GABBR2: variants seen among roughly 807,000 people sequenced by gnomAD.
GABBR2 encodes gamma-aminobutyric acid type B receptor subunit 2, also known as G-protein coupled receptor 51.
Under a neutral mutation model 105.6 loss-of-function variants are expected in GABBR2, and 23 were observed. That is an observed-to-expected ratio of 0.22 (90% confidence interval 0.16 to 0.31). GABBR2 has a LOEUF of 0.31. Ranked by LOEUF, GABBR2 falls within the 10% of genes least tolerant of loss-of-function variation. GABBR2 has a pLI of 1.00. For synonymous variants in GABBR2, 478 were observed against 499.7 expected, an observed-to-expected ratio of 0.96 and a Z score of 0.58; for missense variants, 734 against 1,245.5, an observed-to-expected ratio of 0.59 and a Z score of 6.18.
chr9:98,497,747 T>A (rs912181054), intron 3 of GABBR2, among the ~76,000 whole-genome samples: 12 of 152,248 alleles, frequency 7.9e-5, no homozygotes, highest in Non-Finnish European at 2.9e-5. Flanking sequence ...TTGGTGAAGA[T>A]GTGGAGAAAC....
chr9:98,311,295 G>A lies in GABBR2; in HGVS notation c.1894-90C>T, dbSNP rs921967009. 5 of 760,740 alleles carry A rather than the reference G, an allele frequency of 6.6e-6. No homozygotes were observed. In the African/African-American group the frequency reaches 6.9e-5, roughly 10 times the overall value. The allele number at this position is 760,740 out of a possible 1,614,324, so 47.1% of individuals were successfully genotyped here. On this transcript the variant is annotated intron_variant, in intron 13 of 18. Transcript: ENST00000259455. Reference sequence around the variant, plus strand: ...ATCTGAGAGCCCTTTTCCCTCCTGTGAGCCATAGCCAATGCCACTGTTCAG... The same window carrying A: ...ATCTGAGAGCCCTTTTCCCTCCTGTAAGCCATAGCCAATGCCACTGTTCAG...
At chr9:98,699,922 T>C (rs537523965) in intron 1 of GABBR2, among the ~76,000 whole-genome samples, 2 of 152,312 alleles carry the variant, frequency 1.3e-5, no homozygotes, top group East Asian at 3.9e-4. Flanking sequence ...GGGCAAACTA[T>C]GCCATTTAAT....
chr9:98,331,759 G>C (rs1176425269), intron 13 of GABBR2, among the ~76,000 whole-genome samples: 1 of 152,322 alleles, frequency 6.6e-6, no homozygotes, highest in East Asian at 1.9e-4. Flanking sequence ...GCCAGTGAGT[G>C]TGGGTGGGGC....
intron 6 of GABBR2, among the ~76,000 whole-genome samples, chr9:98,460,714 A>G (rs1314075268): frequency 6.6e-6 from 1 of 152,166 alleles, no homozygotes; most frequent in Non-Finnish European, 1.5e-5. Flanking sequence ...GAGAAAAGAG[A>G]GACTAGACAG....
At chr9:98,517,346 A>T (rs1477585422) in intron 3 of GABBR2, among the ~76,000 whole-genome samples, 1 of 152,046 alleles carries the variant, frequency 6.6e-6, no homozygotes, top group Non-Finnish European at 1.5e-5. Flanking sequence ...ACTGGCTAAC[A>T]AATCTCCTGT....
In GABBR2 at chr9:98,385,748, G is replaced by A. The variant is rs1243645979; in HGVS notation, c.1554C>T (p.Tyr518=). ...CTCCAAGGATGATAAGGTTGTTCATGTATGGACTCGACATCTTTATGAGCC... is the reference window on the plus strand; with the variant it reads ...CTCCAAGGATGATAAGGTTGTTCATATATGGACTCGACATCTTTATGAGCC... ...NQKLIKMSSP[Y]MNNLIILGGM... Residue 518 remains tyrosine, a synonymous_variant, in exon 11 of 19, where the codon TAC becomes TAT. Coordinates refer to ENST00000259455, the MANE Select transcript of GABBR2 (RefSeq NM_005458.8). The A allele has an allele frequency of 1.2e-6, 2 of 1,609,526 alleles. No homozygotes were observed. The highest frequency in any genetic ancestry group is 1.7e-6 in the Non-Finnish European group (2 of 1,175,826).
chr9:98,473,511 A>AGATCCTTTATTATACAT (rs932026253), intron 5 of GABBR2, among the ~76,000 whole-genome samples, 165 bp from the exon 6 acceptor site: 6 of 152,222 alleles, frequency 3.9e-5, no homozygotes, highest in Admixed American at 1.3e-4. Flanking sequence ...GATCCAAGGT[A>AGATCCTTTATTATACAT]GTTTATGGAT....
intron 7 of GABBR2, among the ~76,000 whole-genome samples, chr9:98,413,386 A>AAG (rs1295707906): frequency 1.3e-5 from 2 of 152,132 alleles, no homozygotes; most frequent in Non-Finnish European, 2.9e-5. Context: ...CAGGATATAA[A>AAG]AGAGAGAGAG....
intron 14 of GABBR2, among the ~76,000 whole-genome samples, chr9:98,310,844 A>G (rs1172563379): frequency 6.6e-6 from 1 of 152,190 alleles, no homozygotes; most frequent in Non-Finnish European, 1.5e-5. Flanking sequence ...TGACTCTGCC[A>G]CTTACTAGCC....
Position 98,306,700 on chromosome 9 carries a change from A to C in GABBR2, c.2005-355T>G. 3.2e-6 allele frequency: 1 copy of C among 315,880 alleles called. No individual in the cohort carries two copies. The highest frequency in any genetic ancestry group is 6.0e-6 in the Non-Finnish European group (1 of 166,368). The allele number at this position is 315,880 out of a possible 1,614,324, so 19.6% of individuals were successfully genotyped here. On this transcript the variant is annotated intron_variant, in intron 14 of 18. Coordinates refer to ENST00000259455, the MANE Select transcript of GABBR2 (RefSeq NM_005458.8). This position sits in a 1 kb window ranked among gnomAD's most constrained non-coding sequence, Gnocchi z 5.4. ...GGAATACTAATATCCAGAAGGGTGA[A>C]GAGGTCTGCCCAAGGCCGCACAGCA...
rs150285741 is a variant in GABBR2 at position 98,470,697 on chromosome 9, A to G, written c.999+2449T>C. ...GGAATTTAAATAAAGATAGAATCCAACCTTGCACTGGCATGACTCACCTCA... is the reference window on the plus strand; with the variant it reads ...GGAATTTAAATAAAGATAGAATCCAGCCTTGCACTGGCATGACTCACCTCA... On this transcript the variant is annotated intron_variant, in intron 6 of 18. Coordinates refer to ENST00000259455, the MANE Select transcript of GABBR2 (RefSeq NM_005458.8). 5.4e-3 allele frequency among the ~76,000 whole-genome samples: 825 copies of G among 152,228 alleles called. 11 individuals carry two copies. The highest frequency in any genetic ancestry group is 0.019 in the African/African-American group (771 of 41,542).
rs1830545766 is a variant in GABBR2, at chr9:98,306,040, T to C, written c.2229+81A>G. ...AAAAAAAAAGGAATGGGTAAACCTT[T>C]TAGAGAATGGAGAAAAGCCAGCAAT... is the stretch of plus-strand genomic sequence containing the variant. On this transcript the variant is annotated intron_variant, in intron 15 of 18. Transcript: ENST00000259455. This position sits in a 1 kb window ranked among gnomAD's most constrained non-coding sequence, Gnocchi z 5.4. 1 of 900,294 alleles carries C rather than the reference T, an allele frequency of 1.1e-6. No homozygotes were observed. The highest frequency in any genetic ancestry group is 2.3e-5 in the Admixed American group (1 of 44,384). The allele number at this position is 900,294 out of a possible 1,614,324, so 55.8% of individuals were successfully genotyped here.
intron 1 of GABBR2, among the ~76,000 whole-genome samples, chr9:98,670,575 C>A (rs1199897670): frequency 6.6e-6 from 1 of 152,228 alleles, no homozygotes; most frequent in Non-Finnish European, 1.5e-5. Context: ...AATGTGGAAG[C>A]AGCTCACATG....
intron 5 of GABBR2, 113 bp from the exon 6 acceptor site, chr9:98,473,459 G>A (rs1283067649): frequency 7.6e-6 from 5 of 658,650 alleles, no homozygotes; most frequent in Non-Finnish European, 1.3e-5. Context: ...TTTAGGAAAT[G>A]TTTAATTACT....
intron 1 of GABBR2, among the ~76,000 whole-genome samples, chr9:98,653,719 G>GCACA (rs34694230): frequency 8.5e-4 from 128 of 150,250 alleles, no homozygotes; most frequent in Admixed American, 2.7e-3. Flanking sequence ...GAGGTTTTCA[G>GCACA]CACACACACA....
chr9:98,513,702 A>G (rs377694224), intron 3 of GABBR2, among the ~76,000 whole-genome samples: 39 of 152,336 alleles, frequency 2.6e-4, no homozygotes, highest in East Asian at 1.3e-3. Flanking sequence ...CAAAACCACA[A>G]TGAGATACCA....
intron 13 of GABBR2, among the ~76,000 whole-genome samples, chr9:98,355,767 A>T (rs1376214992): frequency 6.6e-6 from 1 of 152,224 alleles, no homozygotes; most frequent in African/African-American, 2.4e-5. Flanking sequence ...AAGATCTCAC[A>T]CAACATTAAA....
chr9:98,464,133 C>CAT (rs981007318), intron 6 of GABBR2, among the ~76,000 whole-genome samples: 11 of 152,132 alleles, frequency 7.2e-5, no homozygotes, highest in Non-Finnish European at 1.3e-4. Flanking sequence ...CCCGGCCGCC[C>CAT]CGTCTGGGAG....
intron 13 of GABBR2, among the ~76,000 whole-genome samples, chr9:98,338,583 T>C (rs191404635): frequency 6.6e-6 from 1 of 152,304 alleles, no homozygotes; most frequent in East Asian, 1.9e-4. Context: ...ACCAGAAACC[T>C]TTATACTCAC....
Sources: allele counts gnomAD v4.1 joint callset (sites outside exome capture counted in the v4.1 genomes callset), GRCh38; gene constraint gnomAD v4.1.1; non-coding constraint Gnocchi (gnomAD v3.1); transcripts MANE v1.5; gene names NCBI Gene and HGNC (gene_info 2026-07-23, HGNC 2026-07-21).